NDUFA10: variants seen among roughly 807,000 people sequenced by gnomAD.
NDUFA10 encodes NADH dehydrogenase [ubiquinone] 1 alpha subcomplex subunit 10, mitochondrial.
Under a neutral mutation model 47.8 loss-of-function variants are expected in NDUFA10, and 40 were observed. The ratio of observed to expected loss-of-function variants is 0.84; its 90% CI spans 0.65 to 1.09. NDUFA10 has a LOEUF of 1.09. Ranked by LOEUF, NDUFA10 falls within the 50% of genes least tolerant of loss-of-function variation. NDUFA10 has a pLI of 0.00. For synonymous variants in NDUFA10, 183 were observed against 172.2 expected (o/e 1.06, Z -0.49); for missense variants, 413 against 451.1 (o/e 0.92, Z 0.76).
intron 7 of NDUFA10, among the ~76,000 whole-genome samples, chr2:240,005,897 C>T (rs552863418): frequency 2.0e-4 from 30 of 152,260 alleles, no homozygotes; most frequent in African/African-American, 7.0e-4. Context: ...AATCAGCCTT[C>T]AGGACAGGCT....
intron 4 of NDUFA10, among the ~76,000 whole-genome samples, chr2:239,903,436 C>T (rs918348757): frequency 4.6e-5 from 7 of 152,328 alleles, no homozygotes; most frequent in African/African-American, 1.7e-4. Context: ...CCCACAGTCC[C>T]TGCCCTCCCT....
chr2:239,919,983 A>T (rs930618034), intron 4 of NDUFA10, among the ~76,000 whole-genome samples: 1 of 152,218 alleles, frequency 6.6e-6, no homozygotes, highest in African/African-American at 2.4e-5. Context: ...AAGGTGCAGT[A>T]CTGTGTGTGC....
intron 4 of NDUFA10, among the ~76,000 whole-genome samples, chr2:239,896,833 A>G (rs1403641898): frequency 6.6e-6 from 1 of 152,230 alleles, no homozygotes; most frequent in Non-Finnish European, 1.5e-5. Context: ...TTAGAAAAAA[A>G]CAGCAGGGGA....
At chr2:239,940,648 A>G (rs942784915) in intron 4 of NDUFA10, among the ~76,000 whole-genome samples, 3 of 152,242 alleles carry the variant, frequency 2.0e-5, no homozygotes, top group African/African-American at 7.2e-5. Flanking sequence ...TTTGAAATTT[A>G]GTCTATTCAC....
chr2:239,915,827 AAC>A (rs147177417), intron 4 of NDUFA10, among the ~76,000 whole-genome samples: 8,452 of 147,692 alleles, frequency 0.057, 300 homozygotes, highest in East Asian at 0.11. Context: ...GAGATACACA[AAC>A]ACACACACAG....
intron 9 of NDUFA10, among the ~76,000 whole-genome samples, chr2:239,981,888 A>T (rs1228011314): frequency 6.6e-6 from 1 of 152,018 alleles, no homozygotes; most frequent in Non-Finnish European, 1.5e-5. Flanking sequence ...GCTAAAACAC[A>T]TATTTTCAAC....
intron 9 of NDUFA10, among the ~76,000 whole-genome samples, chr2:239,968,665 C>T (rs759094191): frequency 5.9e-5 from 9 of 152,138 alleles, no homozygotes; most frequent in Non-Finnish European, 1.3e-4. Flanking sequence ...AAAAGAGCTC[C>T]AGAAATCTGC....
At chr2:239,999,226 CCT>C (rs985772290) in intron 8 of NDUFA10, among the ~76,000 whole-genome samples, 54 of 152,304 alleles carry the variant, frequency 3.5e-4, no homozygotes, top group South Asian at 1.0e-3. Context: ...GGTGGCTGCC[CCT>C]GTTTCACGTA....
rs1694737694 is a variant in NDUFA10 at position 239,958,981 on chromosome 2, C to G, written c.*2137G>C. The G allele has an allele frequency of 1.0e-6, 1 of 985,342 alleles. No individual in the cohort carries two copies. The allele number at this position is 985,342 out of a possible 1,614,324, so 61.0% of individuals were successfully genotyped here. A position where few individuals can be genotyped will look rare whatever the true frequency, so the allele number is the denominator to read the frequency against. On this transcript the variant is annotated 3_prime_UTR_variant, in exon 10 of 10. Coordinates refer to ENST00000252711, the MANE Select transcript of NDUFA10 (RefSeq NM_004544.4). ...TGTAAGAGCTTTCGTGAGACGAACG[C>G]ATGTACTGCTCTGAAATAAGGAAAT... is the stretch of plus-strand genomic sequence containing the variant.
chr2:239,968,318 C>T (rs1441846131), intron 9 of NDUFA10, among the ~76,000 whole-genome samples: 2 of 152,210 alleles, frequency 1.3e-5, no homozygotes, highest in Non-Finnish European at 2.9e-5. Context: ...GCACGGCCTC[C>T]GCTGAGCAGC....
chr2:240,025,161 T>G, intron 1 of NDUFA10, 66 bp downstream of exon 1: 1 of 739,958 alleles, frequency 1.4e-6, no homozygotes, highest in South Asian at 2.1e-5. Flanking sequence ...GATGTGGAAC[T>G]GCTCCCCACC....
intron 4 of NDUFA10, among the ~76,000 whole-genome samples, chr2:239,942,409 A>C (rs1694374193): frequency 6.6e-6 from 1 of 152,248 alleles, no homozygotes; most frequent in Admixed American, 6.5e-5. Context: ...CACTTGGAGA[A>C]CGATGGATTT....
chr2:239,968,241 G>A (rs897927324), intron 9 of NDUFA10, among the ~76,000 whole-genome samples: 2 of 152,210 alleles, frequency 1.3e-5, no homozygotes, highest in Non-Finnish European at 2.9e-5. Flanking sequence ...GACAGCATGC[G>A]GATCAGCAGG....
At chr2:239,917,525 A>G (rs1693898123) in intron 4 of NDUFA10, among the ~76,000 whole-genome samples, 1 of 152,230 alleles carries the variant, frequency 6.6e-6, no homozygotes, top group African/African-American at 2.4e-5. Context: ...TGGACACCAC[A>G]GTGAAGGTCA....
At chr2:239,950,594 G>A (rs182587910) in intron 4 of NDUFA10, among the ~76,000 whole-genome samples, 76 of 152,330 alleles carry the variant, frequency 5.0e-4, no homozygotes, top group Middle Eastern at 3.4e-3. Context: ...TTATGACCAG[G>A]ATAGCGTCAG....
chr2:240,025,171 C>A, intron 1 of NDUFA10, 56 bp downstream of exon 1: 1 of 567,252 alleles, frequency 1.8e-6, no homozygotes, highest in South Asian at 2.3e-5. Context: ...TGCTCCCCAC[C>A]CCGCCACCCC....
At position 240,022,347 on chromosome 2, in the gene NDUFA10, AAC is replaced by A. The variant is rs1384653417; in HGVS notation, c.76-9_76-8del. 6.2e-7 allele frequency: 1 copy of A among 1,614,052 alleles called. No individual in the cohort carries two copies. On this transcript the variant is annotated splice_region_variant and splice_polypyrimidine_tract_variant and intron_variant, in intron 1 of 9. Transcript: ENST00000252711. ...CACTGCTATGAATTCCTCTCTGAAA[AAC>A]ACAAAATCACACAGCAGCACATTGT...
At chr2:239,977,144 A>G (rs372715875) in intron 9 of NDUFA10, among the ~76,000 whole-genome samples, 2 of 152,152 alleles carry the variant, frequency 1.3e-5, no homozygotes, top group Non-Finnish European at 2.9e-5. Context: ...AAACACAGAC[A>G]AGAGAGACAG....
intron 4 of NDUFA10, among the ~76,000 whole-genome samples, chr2:239,939,022 C>T (rs915972205): frequency 1.3e-5 from 2 of 152,160 alleles, no homozygotes; most frequent in Non-Finnish European, 2.9e-5. Flanking sequence ...CAGTGCTCGG[C>T]GGAAAGACGC....
Sources: allele counts gnomAD v4.1 joint callset (sites outside exome capture counted in the v4.1 genomes callset), GRCh38; gene constraint gnomAD v4.1.1; transcripts MANE v1.5; gene names NCBI Gene and HGNC (gene_info 2026-07-23, HGNC 2026-07-21).